Variants in COPG2 observed in about 807,000 individuals in gnomAD.
The protein encoded by COPG2 is coat protein complex I subunit gamma 2.
In COPG2, 37 loss-of-function variants were observed where a neutral mutation model predicts 46.3. That is an observed-to-expected ratio of 0.80 (90% CI 0.61 to 1.05). The LOEUF (loss-of-function observed/expected upper bound fraction) is 1.05, where lower values mean the gene tolerates loss of function less well. Among genes scored for constraint, COPG2 ranks in the 50% least tolerant of loss-of-function variants. The probability of loss-of-function intolerance (pLI) is 0.00; values close to 1 mark genes in which losing one functional copy is unlikely to be tolerated. For missense variants in COPG2, 427 were observed against 387.8 expected (o/e 1.10, Z -0.85); for synonymous variants, 159 against 129.7 (o/e 1.23, Z -1.53).
chr7:130,665,228 A>G (rs1796051626), intron 3 of COPG2, among the ~76,000 whole-genome samples: 1 of 152,194 alleles, frequency 6.6e-6, no homozygotes, highest in African/African-American at 2.4e-5. Flanking sequence ...TCATTTGTAA[A>G]CAAGAAAACT....
At chr7:130,650,695 C>G (rs56228645) in intron 5 of COPG2, among the ~76,000 whole-genome samples, 29,442 of 152,098 alleles carry the variant, frequency 0.19, 3,034 homozygotes, top group Middle Eastern at 0.25. Flanking sequence ...AGTCATATAA[C>G]ACAGTTGTGC....
At chr7:130,648,623 C>T (rs1584608414) in intron 5 of COPG2, among the ~76,000 whole-genome samples, 1 of 152,164 alleles carries the variant, frequency 6.6e-6, no homozygotes, top group Non-Finnish European at 1.5e-5. Flanking sequence ...GATATAGTTA[C>T]AGATATTCCC....
At chr7:130,591,644 G>C (rs1794427791) in intron 9 of COPG2, among the ~76,000 whole-genome samples, 1 of 148,382 alleles carries the variant, frequency 6.7e-6, no homozygotes, top group African/African-American at 2.5e-5. Flanking sequence ...CGTCCGGTTG[G>C]TGAGGGGCGC....
At chr7:130,588,652 AG>A (rs1794334923) in intron 9 of COPG2, among the ~76,000 whole-genome samples, 1 of 152,134 alleles carries the variant, frequency 6.6e-6, no homozygotes, top group Non-Finnish European at 1.5e-5. Flanking sequence ...GTTGTGGGGC[AG>A]GGGGAGGGGG....
rs529143744 is a variant in COPG2, at chr7:130,601,437, G to T, written c.737+9516C>A. Among the ~76,000 whole-genome samples the T allele has an allele frequency of 2.6e-5, 4 of 152,254 alleles. No individual in the cohort carries two copies. In the East Asian group the frequency reaches 7.7e-4, roughly 29 times the overall value. On this transcript the variant is annotated intron_variant, in intron 9 of 23. Coordinates refer to ENST00000425248, the MANE Select transcript of COPG2 (RefSeq NM_012133.6). ...CCAAATGCCCATCAATGATAGACTG[G>T]GTAAAGATAATGTGGCACATATACA... is the stretch of plus-strand genomic sequence containing the variant.
intron 20 of COPG2, among the ~76,000 whole-genome samples, chr7:130,543,438 G>T (rs1032840479): frequency 0.017 from 2,568 of 152,264 alleles, 70 homozygotes; most frequent in African/African-American, 0.059. Context: ...CTCCTTGAGG[G>T]AAACACTTGA....
At chr7:130,633,755 T>C (rs1042818381) in intron 5 of COPG2, among the ~76,000 whole-genome samples, 2 of 152,260 alleles carry the variant, frequency 1.3e-5, no homozygotes, top group Non-Finnish European at 2.9e-5. Flanking sequence ...TGGCTTTTGT[T>C]GCCATTGCTT....
chr7:130,646,986 T>TATATATATATATGC (rs1554458344), intron 5 of COPG2, among the ~76,000 whole-genome samples: 56 of 848 alleles, frequency 0.066, no homozygotes, highest in African/African-American at 0.099. Context: ...TATATATGTA[T>TATATATATATATGC]ATATATATAT....
rs1795945998 is a variant in COPG2, at chr7:130,660,042, C to T, written c.243+2925G>A. Among the ~76,000 whole-genome samples the T allele has an allele frequency of 1.3e-5, 2 of 152,198 alleles. 1 individual carries two copies. Among genetic ancestry groups the T allele is most frequent in the South Asian group, 4.1e-4 (2 of 4,834 alleles). ...AACAACGATAGAAGAATACCAACTT[C>T]AAGACAGTAATTACCTTCTGGTAAA... is the stretch of plus-strand genomic sequence containing the variant. On this transcript the variant is annotated intron_variant, in intron 4 of 23. Transcript: ENST00000425248.
intron 9 of COPG2, among the ~76,000 whole-genome samples, chr7:130,570,373 T>C (rs1793874617): frequency 6.6e-6 from 1 of 152,158 alleles, no homozygotes; most frequent in Admixed American, 6.5e-5. Context: ...ACAAAATCAA[T>C]GTACACAAAT....
rs1253166031 is a variant in COPG2, at chr7:130,513,335, A to G, written c.2150-4676T>C. ...TATATATATATATATATATATATAT[A>G]TATATATGTGTGTGTGTGTGTGTGT... On this transcript the variant is annotated intron_variant, in intron 20 of 23. Transcript: ENST00000425248. Among the ~76,000 whole-genome samples the G allele has an allele frequency of 3.4e-4, 26 of 77,252 alleles. 1 individual carries two copies. Among genetic ancestry groups the G allele is most frequent in the African/African-American group, 1.1e-3 (26 of 23,492 alleles). The allele number at this position is 77,252 out of a possible 152,430, so 50.7% of individuals were successfully genotyped here.
intron 20 of COPG2, among the ~76,000 whole-genome samples, chr7:130,536,417 A>G (rs916564722): frequency 1.6e-4 from 24 of 152,190 alleles, no homozygotes; most frequent in African/African-American, 5.5e-4. Context: ...ATGGACCCCC[A>G]GGCAGGCCTA....
At chr7:130,552,308 C>T in intron 15 of COPG2, 47 bp downstream of exon 15, 1 of 397,748 alleles carries the variant, frequency 2.5e-6, no homozygotes, top group African/African-American at 2.1e-5. Context: ...ACTGTTTAAC[C>T]ATATAGAATT....
chr7:130,667,522 T>A lies in COPG2; in HGVS notation c.50A>T (p.Asn17Ile), dbSNP rs200749180. The A allele has an allele frequency of 2.5e-6, 4 of 1,613,524 alleles. No individual in the cohort carries two copies. The highest frequency in any genetic ancestry group is 3.4e-6 in the Non-Finnish European group (4 of 1,179,590). The change falls in exon 2 of 24, where the codon AAT becomes ATT. Residue 17 changes from asparagine to isoleucine, a missense_variant. By Grantham distance (149) the Asn-to-Ile change is moderately radical. Coordinates refer to ENST00000425248, the MANE Select transcript of COPG2 (RefSeq NM_012133.6). The part of the protein sequence containing the change: ...KKDEESGSGS[N>I]PFQHLEKSAV... ...ACTCTTCTCCAGATGCTGGAAAGGATTGGAGCCACTACCTATTTATAAAAC... is the reference window on the plus strand; with the variant it reads ...ACTCTTCTCCAGATGCTGGAAAGGAATGGAGCCACTACCTATTTATAAAAC...
At chr7:130,513,331 ATATATATATATGTGTGTGTGTGTGTGTG>A (rs1475476923) in intron 20 of COPG2, among the ~76,000 whole-genome samples, 5 of 72,234 alleles carry the variant, frequency 6.9e-5, no homozygotes, top group African/African-American at 1.8e-4. Context: ...ATATATATAT[ATATATATATATGTGTGTGTGTGTGTGTG>A]TATATATATA....
chr7:130,531,569 C>G (rs1035425927), intron 20 of COPG2, among the ~76,000 whole-genome samples: 3 of 151,902 alleles, frequency 2.0e-5, no homozygotes, highest in Non-Finnish European at 4.4e-5. Context: ...GGGTGGGAGG[C>G]ACTGAAAGAA....
At chr7:130,585,977 C>T (rs1015723701) in intron 9 of COPG2, among the ~76,000 whole-genome samples, 2 of 151,910 alleles carry the variant, frequency 1.3e-5, no homozygotes, top group South Asian at 2.1e-4. Context: ...AGTATCTACT[C>T]GAGGAAAAGA....
At chr7:130,565,900 T>TA (rs1793794826) in intron 9 of COPG2, among the ~76,000 whole-genome samples, 2 of 150,262 alleles carry the variant, frequency 1.3e-5, no homozygotes, top group African/African-American at 4.9e-5. Flanking sequence ...CTGATGAAAA[T>TA]AAAAAAAGAA....
chr7:130,548,088 T>C (rs1286102933), intron 19 of COPG2, among the ~76,000 whole-genome samples: 3 of 152,262 alleles, frequency 2.0e-5, no homozygotes, highest in African/African-American at 7.2e-5. Flanking sequence ...AGAAGTCTGA[T>C]GGCTGTCAAA....
Sources: gnomAD v4.1 joint callset for allele counts (sites outside exome capture counted in the v4.1 genomes callset) on GRCh38, gnomAD v4.1.1 for gene constraint, MANE v1.5 for transcripts, NCBI Gene and HGNC (gene_info 2026-07-23, HGNC 2026-07-21) for gene names.